Variants in IL17D observed in about 807,000 individuals in gnomAD.
IL17D encodes the protein interleukin 17D.
IL17D carries 10 observed loss-of-function variants against 5.7 expected under a neutral mutation model. The observed-to-expected ratio is 1.75, with a 90% confidence interval of 1.08 to 2.97. The LOEUF is 2.97. IL17D is among the 30% of genes most tolerant of loss of function. The pLI is 0.00. For synonymous variants in IL17D, 172 were observed against 141.7 expected (o/e 1.21, Z -1.52); for missense variants, 354 against 292.7 (o/e 1.21, Z -1.53).
At chr13:20,706,802 G>A (rs117183603) in intron 1 of IL17D, among the ~76,000 whole-genome samples, 1 of 152,324 alleles carries the variant, frequency 6.6e-6, no homozygotes, top group East Asian at 1.9e-4. Context: ...GGAGGTTATG[G>A]ATGAGAATGA....
At chr13:20,718,763 C>T (rs1181314335) in intron 1 of IL17D, among the ~76,000 whole-genome samples, 1 of 147,850 alleles carries the variant, frequency 6.8e-6, no homozygotes, top group Non-Finnish European at 1.5e-5. Flanking sequence ...TGTGCTCACA[C>T]ACCCGCCCAT....
At chr13:20,719,061 A>G (rs954193718) in intron 1 of IL17D, among the ~76,000 whole-genome samples, 3 of 140,894 alleles carry the variant, frequency 2.1e-5, no homozygotes, top group African/African-American at 8.1e-5. Context: ...GCCCACACAC[A>G]CCTGCCCATG....
upstream of IL17D, chr13:20,702,501 T>TA (rs2058553232): frequency 6.6e-6 from 1 of 152,262 alleles, no homozygotes; most frequent in South Asian, 2.1e-4. Context: ...ATGACTGCTT[T>TA]AAAATGATCA....
At chr13:20,712,153 T>G (rs911802114) in intron 1 of IL17D, among the ~76,000 whole-genome samples, 1 of 152,252 alleles carries the variant, frequency 6.6e-6, no homozygotes, top group Admixed American at 6.5e-5. Context: ...CTGACACTCC[T>G]CCTGCAGTCA....
chr13:20,718,650 G>T (rs1423309097), intron 1 of IL17D, among the ~76,000 whole-genome samples: 6 of 64,532 alleles, frequency 9.3e-5, no homozygotes, highest in Admixed American at 4.8e-4. Flanking sequence ...TCACACACCT[G>T]CCCACTTACA....
intron 1 of IL17D, among the ~76,000 whole-genome samples, chr13:20,705,654 G>A (rs1312953859): frequency 6.6e-6 from 1 of 152,134 alleles, no homozygotes; most frequent in Non-Finnish European, 1.5e-5. Flanking sequence ...CTGTGGTGGC[G>A]CCACTGCCTT....
chr13:20,722,079 C>A lies in IL17D; in HGVS notation c.*125C>A. 1.4e-6 allele frequency: 1 copy of A among 740,266 alleles called. No homozygotes were observed. Among genetic ancestry groups the A allele is most frequent in the South Asian group, 2.0e-5 (1 of 50,360 alleles). The allele number at this position is 740,266 out of a possible 1,614,324, so 45.9% of individuals were successfully genotyped here. Reference sequence around the variant, plus strand: ...CCGAGCAAACCAAGTGCCGGAGCACCAGCGCCGCCTTTCCATGGAGACTCG... The same window carrying A: ...CCGAGCAAACCAAGTGCCGGAGCACAAGCGCCGCCTTTCCATGGAGACTCG... On this transcript the variant is annotated 3_prime_UTR_variant, in exon 2 of 2. Coordinates refer to ENST00000682841, the MANE Select transcript of IL17D (RefSeq NM_001385224.1).
At chr13:20,709,273 G>T (rs553007721) in intron 1 of IL17D, among the ~76,000 whole-genome samples, 4 of 151,548 alleles carry the variant, frequency 2.6e-5, no homozygotes, top group Admixed American at 1.3e-4. Context: ...TAAATATCAA[G>T]ATTTTAAATT....
At chr13:20,701,633 G>A (rs2058548737), upstream of IL17D, 1 of 152,122 alleles carries the variant, frequency 6.6e-6, no homozygotes, top group Admixed American at 6.5e-5. Context: ...GGTTTTAAGG[G>A]AACACGATGA....
rs1491014553 is a variant in IL17D, at chr13:20,708,981, AAG to A, written c.290+4692_290+4693del. Among the ~76,000 whole-genome samples the A allele has an allele frequency of 1.1e-4, 16 of 149,170 alleles. 3 individuals are homozygous for A. The highest frequency in any genetic ancestry group is 6.7e-5 in the Admixed American group (1 of 15,018). ...GTCTCAAAAAAAAAAAAAAAAAAGA[AAG>A]AAAGAAAAGAAAAGGACCAGTGACA... On this transcript the variant is annotated intron_variant, in intron 1 of 1. Transcript: ENST00000682841.
intron 1 of IL17D, among the ~76,000 whole-genome samples, chr13:20,719,700 A>G (rs1236758539): frequency 6.6e-6 from 1 of 152,230 alleles, no homozygotes; most frequent in Non-Finnish European, 1.5e-5. Context: ...ATGAACAGAC[A>G]CGACACTATT....
intron 1 of IL17D, among the ~76,000 whole-genome samples, chr13:20,720,024 T>TTTG (rs1170650668): frequency 6.6e-6 from 1 of 152,150 alleles, no homozygotes; most frequent in Non-Finnish European, 1.5e-5. Flanking sequence ...CATTCCGTCC[T>TTTG]TTGTTGGTCA....
chr13:20,713,982 C>T (rs373344822), intron 1 of IL17D: 8 of 152,302 alleles, frequency 5.3e-5, no homozygotes, highest in African/African-American at 7.2e-5. Flanking sequence ...AGGCGCCTGC[C>T]CCAAGGACAG....
Position 20,721,921 on chromosome 13 carries a change from G to A in IL17D, c.576G>A (p.Leu192=). 1 of 1,603,380 alleles carries A rather than the reference G, an allele frequency of 6.2e-7. No individual in the cohort carries two copies. Among genetic ancestry groups the A allele is most frequent in the East Asian group, 2.2e-5 (1 of 44,776 alleles). The part of the protein sequence containing the change: ...SSIDKQGAKL[L]LGPNDAPAGP ...TCGACAAACAGGGCGCCAAGCTCCT[G>A]CTGGGCCCCAACGACGCGCCCGCTG... The change falls in exon 2 of 2, where the codon CTG becomes CTA. Residue 192 remains leucine, a synonymous_variant. Coordinates refer to ENST00000682841, the MANE Select transcript of IL17D (RefSeq NM_001385224.1).
rs1464491919 is a variant in IL17D, at chr13:20,704,142, G to T, written c.141G>T (p.Ala47=). ...ELLEQLYGRL[A]AGVLSAFHHT... ...TGGAGCAGCTGTACGGGCGCCTGGC[G>T]GCCGGCGTGCTCAGTGCCTTCCACC... Residue 47 remains alanine, a synonymous_variant, in exon 1 of 2, where the codon GCG becomes GCT. Coordinates refer to ENST00000682841, the MANE Select transcript of IL17D (RefSeq NM_001385224.1). The T allele has an allele frequency of 3.0e-6, 4 of 1,345,592 alleles. No individual in the cohort carries two copies. In the Admixed American group the frequency reaches 1.1e-4, roughly 37 times the overall value. 83.4% of individuals were successfully genotyped at this position (1,345,592 alleles called of 1,614,324 possible).
chr13:20,721,506 G>A (rs2058734089), intron 1 of IL17D, 130 bp from the exon 2 acceptor site: 3 of 691,850 alleles, frequency 4.3e-6, no homozygotes, highest in Non-Finnish European at 7.0e-6. Flanking sequence ...GGGGGGCCTC[G>A]CACGCACGCG....
At chr13:20,718,640 T>G (rs1595002247) in intron 1 of IL17D, among the ~76,000 whole-genome samples, 1 of 60,732 alleles carries the variant, frequency 1.6e-5, no homozygotes, top group African/African-American at 7.1e-5. Flanking sequence ...AGGCCCACGC[T>G]CACACACCTG....
At chr13:20,708,843 CAAA>C (rs10644027) in intron 1 of IL17D, among the ~76,000 whole-genome samples, 9 of 111,808 alleles carry the variant, frequency 8.0e-5, no homozygotes, top group South Asian at 5.9e-4. Context: ...ACTAAAAATA[CAAA>C]AAAAAAAAAA....
At chr13:20,718,811 T>C (rs1595002514) in intron 1 of IL17D, among the ~76,000 whole-genome samples, 1 of 95,380 alleles carries the variant, frequency 1.0e-5, no homozygotes, top group Non-Finnish European at 2.1e-5. Context: ...CGCTCACCCC[T>C]GCCCACACAC....
Sources: gnomAD v4.1 joint callset for allele counts (sites outside exome capture counted in the v4.1 genomes callset) on GRCh38, gnomAD v4.1.1 for gene constraint, MANE v1.5 for transcripts, NCBI Gene and HGNC (gene_info 2026-07-23, HGNC 2026-07-21) for gene names.